RFX7: variants seen among roughly 807,000 people sequenced by gnomAD.
The protein encoded by RFX7 is DNA-binding protein RFX7.
In RFX7, 26 loss-of-function variants were observed where a neutral mutation model predicts 111.8. The ratio of observed to expected loss-of-function variants is 0.23; its 90% confidence interval spans 0.17 to 0.32. The LOEUF is 0.32. RFX7 is among the 10% of genes least tolerant of loss of function. The pLI is 1.00. For missense variants in RFX7, 1,573 were observed against 1,772.9 expected (o/e 0.89, Z 2.02); for synonymous variants, 624 against 624.4 (o/e 1.00, Z 0.01).
chr15:56,229,732 G>A (rs2043528827), intron 2 of RFX7, among the ~76,000 whole-genome samples: 1 of 152,038 alleles, frequency 6.6e-6, no homozygotes, highest in African/African-American at 2.4e-5. Flanking sequence ...GTGCTAATAG[G>A]GTCATAATTT....
chr15:56,170,869 T>C (rs553001223), intron 3 of RFX7, among the ~76,000 whole-genome samples: 17 of 152,234 alleles, frequency 1.1e-4, no homozygotes, highest in African/African-American at 4.1e-4. Context: ...AGTTTGCTGA[T>C]AGGCTGTGGG....
intron 3 of RFX7, among the ~76,000 whole-genome samples, chr15:56,155,694 T>A (rs1405555396): frequency 6.6e-6 from 1 of 152,036 alleles, no homozygotes; most frequent in South Asian, 2.1e-4. Context: ...AGCAAAGCAC[T>A]AGGGCACATG....
chr15:56,223,234 T>C (rs2043445190), intron 2 of RFX7, among the ~76,000 whole-genome samples: 1 of 152,166 alleles, frequency 6.6e-6, no homozygotes, highest in Non-Finnish European at 1.5e-5. Context: ...AGTTAAAGAT[T>C]CAGAATGATC....
chr15:56,133,435 T>C (rs1180410329), intron 5 of RFX7, among the ~76,000 whole-genome samples: 3 of 152,070 alleles, frequency 2.0e-5, no homozygotes, highest in African/African-American at 7.2e-5. Flanking sequence ...AAATGAATTA[T>C]AAAAGGGTCC....
At chr15:56,106,575 T>C (rs1396408631) in intron 5 of RFX7, among the ~76,000 whole-genome samples, 2 of 152,304 alleles carry the variant, frequency 1.3e-5, no homozygotes, top group East Asian at 3.9e-4. Flanking sequence ...GATGTAGAAA[T>C]GGTCATACTC....
intron 5 of RFX7, among the ~76,000 whole-genome samples, chr15:56,111,659 AC>A (rs1399094212): frequency 2.4e-5 from 2 of 84,740 alleles, no homozygotes; most frequent in South Asian, 4.4e-4. Flanking sequence ...AAATAAATAA[AC>A]CAAAAAAAAA....
chr15:56,204,234 GT>G (rs2043226911), intron 2 of RFX7, among the ~76,000 whole-genome samples: 1 of 151,898 alleles, frequency 6.6e-6, no homozygotes, highest in Non-Finnish European at 1.5e-5. Context: ...GCCTAGGCTG[GT>G]CTCGAACTCC....
At chr15:56,152,900 T>C (rs374281815) in intron 3 of RFX7, among the ~76,000 whole-genome samples, 3 of 151,584 alleles carry the variant, frequency 2.0e-5, no homozygotes, top group East Asian at 1.9e-4. Context: ...CCCACAGAAA[T>C]AGAAACTACC....
chr15:56,128,576 G>A (rs2042174416), intron 5 of RFX7, among the ~76,000 whole-genome samples: 1 of 152,002 alleles, frequency 6.6e-6, no homozygotes. Flanking sequence ...AAAGGCCATC[G>A]ATAAAAACCC....
At chr15:56,102,462 A>G (rs1381450650) in intron 6 of RFX7, among the ~76,000 whole-genome samples, 1 of 152,228 alleles carries the variant, frequency 6.6e-6, no homozygotes, top group South Asian at 2.1e-4. Flanking sequence ...AGAATGTTAA[A>G]TACTACTGTC....
intron 3 of RFX7, 51 bp downstream of exon 3, chr15:56,179,219 G>A (rs774362621): frequency 6.0e-5 from 51 of 851,808 alleles, no homozygotes; most frequent in Middle Eastern, 2.7e-4. Flanking sequence ...ATTTTATATC[G>A]TCATAAAAAC....
intron 5 of RFX7, among the ~76,000 whole-genome samples, chr15:56,130,396 GAAAT>G (rs879935139): frequency 6.6e-6 from 1 of 151,504 alleles, no homozygotes; most frequent in African/African-American, 2.4e-5. Flanking sequence ...AAAATAAAAT[GAAAT>G]AAACCCTCAA....
In RFX7 at chr15:56,119,106, A is replaced by G. The variant is rs557163228; in HGVS notation, c.402-15436T>C. On this transcript the variant is annotated intron_variant, in intron 5 of 9. Coordinates refer to ENST00000559447, the MANE Select transcript of RFX7 (RefSeq NM_022841.7). ...TGGTTATTAATCCCTTGTCAGATGGAGAGTTTGCAAATAATTTCTCCCATT... is the reference window on the plus strand; with the variant it reads ...TGGTTATTAATCCCTTGTCAGATGGGGAGTTTGCAAATAATTTCTCCCATT... Among the ~76,000 whole-genome samples, 119 of 152,262 alleles carry G rather than the reference A, an allele frequency of 7.8e-4. 1 individual carries two copies. Among genetic ancestry groups the G allele is most frequent in the African/African-American group, 2.7e-3 (114 of 41,548 alleles).
intron 5 of RFX7, among the ~76,000 whole-genome samples, chr15:56,116,672 A>C (rs183721944): frequency 1.3e-5 from 2 of 152,222 alleles, no homozygotes; most frequent in Non-Finnish European, 2.9e-5. Flanking sequence ...AAGGCACTCA[A>C]CTTCATTAGT....
intron 2 of RFX7, among the ~76,000 whole-genome samples, chr15:56,203,032 CAA>C (rs1173382552): frequency 6.6e-6 from 1 of 151,406 alleles, no homozygotes; most frequent in South Asian, 2.1e-4. Flanking sequence ...CTCCCCCCAC[CAA>C]AAAAAAGTGA....
At position 56,243,571 on chromosome 15, in the gene RFX7, G is replaced by GCGCCGC; in HGVS notation, c.-135_-130dup. The stretch of plus-strand genomic sequence containing the variant: ...GGCGGCGCCCCTCAGCCCCCCGCTG[G>GCGCCGC]CGCCGCCGCCTCCTCCCGTCAGCGG... On this transcript the variant is annotated 5_prime_UTR_variant, in exon 1 of 10. Transcript: ENST00000559447. 5.4e-6 allele frequency: 5 copies of GCGCCGC among 919,786 alleles called. No individual in the cohort carries two copies. The highest frequency in any genetic ancestry group is 6.5e-6 in the Non-Finnish European group (5 of 771,624). 57.0% of individuals were successfully genotyped at this position (919,786 alleles called of 1,614,324 possible). A position where few individuals can be genotyped will look rare whatever the true frequency, so the allele number is the denominator to read the frequency against.
intron 3 of RFX7, among the ~76,000 whole-genome samples, chr15:56,158,425 A>T (rs1393911589): frequency 6.6e-6 from 1 of 152,250 alleles, no homozygotes; most frequent in Non-Finnish European, 1.5e-5. Flanking sequence ...AGAAGAGTTT[A>T]TAATTCAAAT....
chr15:56,224,058 G>A (rs2043454910), intron 2 of RFX7, among the ~76,000 whole-genome samples: 1 of 151,128 alleles, frequency 6.6e-6, no homozygotes. Flanking sequence ...TTCAGGGATA[G>A]GCAAATAACA....
chr15:56,231,445 G>T (rs1224288729), intron 2 of RFX7, among the ~76,000 whole-genome samples: 1 of 152,112 alleles, frequency 6.6e-6, no homozygotes, highest in Admixed American at 6.5e-5. Context: ...AGTGAAAGGG[G>T]TTTCTCCTTA....
Sources: gnomAD v4.1 joint callset for allele counts (sites outside exome capture counted in the v4.1 genomes callset) on GRCh38, gnomAD v4.1.1 for gene constraint, MANE v1.5 for transcripts, NCBI Gene and HGNC (gene_info 2026-07-23, HGNC 2026-07-21) for gene names.